RTN4: variants seen among roughly 807,000 people sequenced by gnomAD.
RTN4 encodes reticulon-4.
A neutral mutation model predicts 90.4 loss-of-function variants in RTN4; 32 were observed. The observed-to-expected ratio is 0.35, with a 90% CI of 0.27 to 0.48. The LOEUF is 0.48. Among genes scored for constraint, RTN4 ranks in the 20% least tolerant of loss-of-function variants. The pLI, the probability that RTN4 is intolerant of heterozygous loss-of-function variation, is 0.99. For missense variants in RTN4, 1,706 were observed against 1,430.2 expected, an observed-to-expected ratio of 1.19 and a Z score of -3.11; for synonymous variants, 629 against 552.5, an observed-to-expected ratio of 1.14 and a Z score of -1.94.
intron 1 of RTN4, among the ~76,000 whole-genome samples, chr2:55,096,786 G>A (rs1427982724): frequency 6.6e-6 from 1 of 151,188 alleles, no homozygotes; most frequent in Non-Finnish European, 1.5e-5. Flanking sequence ...CTGTCATGCT[G>A]CAGCAGTTAC....
rs148995054 is a variant in RTN4 at position 55,040,460 on chromosome 2, C to T, written c.556+9285G>A. ...AAAAGTTGTAACACTTTTAGGTCACCTCCATCTACGGTTGTCAGGGCACTG... is the reference window on the plus strand; with the variant it reads ...AAAAGTTGTAACACTTTTAGGTCACTTCCATCTACGGTTGTCAGGGCACTG... On this transcript the variant is annotated intron_variant, in intron 1 of 8. Transcript: ENST00000337526. Among the ~76,000 whole-genome samples the T allele has an allele frequency of 7.3e-3, 1,116 of 152,226 alleles. 6 individuals carry two copies. Among genetic ancestry groups the T allele is most frequent in the Non-Finnish European group, 0.01 (700 of 68,018 alleles).
the RTN4 span, among the ~76,000 whole-genome samples, chr2:55,125,034 C>T: frequency 6.6e-6 from 1 of 152,140 alleles, no homozygotes; most frequent in Non-Finnish European, 1.5e-5. Flanking sequence ...AAAATGGACC[C>T]CTTTCTTATA....
In RTN4 at chr2:55,026,948, T is replaced by G; in HGVS notation, c.1151A>C (p.Tyr384Ser). Residue 384 changes from tyrosine (Y) to serine (S), a missense_variant, in exon 3 of 9, where the codon TAT becomes TCT. Coordinates refer to ENST00000337526, the MANE Select transcript of RTN4 (RefSeq NM_020532.5). The stretch of plus-strand genomic sequence containing the variant: ...TCGCTCAAATGGTTTGAAGTCTGCA[T>G]ATTCCTCCCTCATAGGAGCTTCCAC... ...VAVEAPMREEYADFKPFERVW... is the reference protein window; with the variant it reads ...VAVEAPMREESADFKPFERVW... 1 of 1,613,584 alleles carries G rather than the reference T, an allele frequency of 6.2e-7. No homozygotes were observed. The highest frequency in any genetic ancestry group is 8.5e-7 in the Non-Finnish European group (1 of 1,179,894).
intron 1 of RTN4, among the ~76,000 whole-genome samples, chr2:55,100,221 G>A (rs560723917): frequency 6.6e-6 from 1 of 152,202 alleles, no homozygotes; most frequent in South Asian, 2.1e-4. Context: ...GCCTGGCTAG[G>A]AGTGACCCCA....
At chr2:55,111,992 C>G (rs1668046348) in intron 1 of RTN4, among the ~76,000 whole-genome samples, 1 of 152,148 alleles carries the variant, frequency 6.6e-6, no homozygotes, top group Non-Finnish European at 1.5e-5. Context: ...CAATGAGTCT[C>G]TGGGGATCCT....
chr2:55,129,858 G>C, the RTN4 span, among the ~76,000 whole-genome samples: 2 of 152,110 alleles, frequency 1.3e-5, no homozygotes, highest in Admixed American at 6.5e-5. Flanking sequence ...ACCGTGCCCG[G>C]TCAACTCGTC....
At chr2:55,082,732 C>A (rs1573505846) in intron 1 of RTN4, among the ~76,000 whole-genome samples, 1 of 152,208 alleles carries the variant, frequency 6.6e-6, no homozygotes, top group African/African-American at 2.4e-5. Flanking sequence ...TTATACTTCT[C>A]ATTTACTGAA....
intron 2 of RTN4, among the ~76,000 whole-genome samples, chr2:55,071,192 A>G (rs201415733): frequency 4.7e-5 from 4 of 84,860 alleles, no homozygotes; most frequent in Non-Finnish European, 1.3e-4. Flanking sequence ...ACTGGCCACC[A>G]GGGGGTCTCT....
At chr2:55,077,792 C>G (rs1024652844) in intron 2 of RTN4, among the ~76,000 whole-genome samples, 7 of 146,526 alleles carry the variant, frequency 4.8e-5, no homozygotes, top group Admixed American at 1.4e-4. Flanking sequence ...CACACACACA[C>G]AGACACACCA....
chr2:55,126,449 AG>A, the RTN4 span, among the ~76,000 whole-genome samples: 1 of 152,234 alleles, frequency 6.6e-6, no homozygotes, highest in African/African-American at 2.4e-5. Context: ...TGATCATTAG[AG>A]AAATGCAAAT....
chr2:55,082,043 T>G (rs974453473), intron 1 of RTN4, among the ~76,000 whole-genome samples: 15 of 152,252 alleles, frequency 9.9e-5, no homozygotes, highest in Admixed American at 5.2e-4. Flanking sequence ...GATGGGTACT[T>G]TACTTGGTAG....
intron 3 of RTN4, among the ~76,000 whole-genome samples, chr2:55,011,943 C>T (rs750132746): frequency 3.9e-5 from 6 of 152,166 alleles, no homozygotes; most frequent in Non-Finnish European, 7.4e-5. Context: ...GTCAGCAAGC[C>T]ATATCATGGC....
At chr2:55,120,220 C>T in the RTN4 span, among the ~76,000 whole-genome samples, 2 of 152,190 alleles carry the variant, frequency 1.3e-5, no homozygotes, top group Non-Finnish European at 2.9e-5. Flanking sequence ...ATGCTGAGGC[C>T]GAAGGAAGCA....
chr2:54,977,439 T>G lies in RTN4; in HGVS notation c.3361-2675A>C, dbSNP rs576820146. 1.4e-4 allele frequency among the ~76,000 whole-genome samples: 21 copies of G among 151,620 alleles called. 1 individual carries two copies. In the South Asian group the frequency reaches 3.3e-3, roughly 24 times the overall value. ...TTTTTTCTTCCTCTCACTTTCAGAT[T>G]TAAGATTGTGTTCTGGAACATTATA... On this transcript the variant is annotated intron_variant, in intron 5 of 8. Transcript: ENST00000337526.
At chr2:55,074,517 C>CAAAAAAAAAAA in intron 2 of RTN4, among the ~76,000 whole-genome samples, 1 of 59,628 alleles carries the variant, frequency 1.7e-5, no homozygotes, top group Non-Finnish European at 3.6e-5. Flanking sequence ...CTGCCCTCAC[C>CAAAAAAAAAAA]AAAAAAAAAA....
chr2:55,001,402 A>G (rs980128427), intron 3 of RTN4, among the ~76,000 whole-genome samples: 2 of 152,234 alleles, frequency 1.3e-5, no homozygotes, highest in Non-Finnish European at 2.9e-5. Context: ...TTTGAGGAGT[A>G]CAAGATTCTC....
chr2:55,063,168 G>T (rs1466924462), intron 2 of RTN4, among the ~76,000 whole-genome samples: 1 of 152,138 alleles, frequency 6.6e-6, no homozygotes, highest in Non-Finnish European at 1.5e-5. Flanking sequence ...TCCTGACACA[G>T]CAAAGAAGAT....
intron 5 of RTN4, among the ~76,000 whole-genome samples, chr2:54,982,121 T>C (rs1446656630): frequency 6.7e-6 from 1 of 149,848 alleles, no homozygotes; most frequent in African/African-American, 2.5e-5. Context: ...CACGCCTGGC[T>C]AATTTTGTAT....
At chr2:55,068,669 C>CA (rs138508337) in intron 2 of RTN4, among the ~76,000 whole-genome samples, 12,650 of 104,608 alleles carry the variant, frequency 0.12, 1,367 homozygotes, top group African/African-American at 0.27. Flanking sequence ...TGGTGCTCTA[C>CA]AAAAAAAAAG....
Sources: allele counts gnomAD v4.1 joint callset (sites outside exome capture counted in the v4.1 genomes callset), GRCh38; gene constraint gnomAD v4.1.1; transcripts MANE v1.5; gene names NCBI Gene and HGNC (gene_info 2026-07-23, HGNC 2026-07-21).